The following METTL25 variants were observed in gnomAD, a reference collection of about 807,000 sequenced individuals.
METTL25 encodes probable methyltransferase-like protein 25.
A neutral mutation model predicts 71.6 loss-of-function variants in METTL25; 64 were observed. The ratio of observed to expected loss-of-function variants is 0.89; its 90% CI spans 0.73 to 1.10. The LOEUF (loss-of-function observed/expected upper bound fraction) is 1.10. METTL25 is among the 50% of genes least tolerant of loss of function. The probability of loss-of-function intolerance (pLI) is 0.00; values close to 1 mark genes in which losing one functional copy is unlikely to be tolerated. For missense variants in METTL25, 807 were observed against 707.0 expected, an observed-to-expected ratio of 1.14 and a Z score of -1.60; for synonymous variants, 287 against 250.3, an observed-to-expected ratio of 1.15 and a Z score of -1.38.
At chr12:82,363,789 C>A (rs775727973) in intron 1 of METTL25, among the ~76,000 whole-genome samples, 80 of 148,652 alleles carry the variant, frequency 5.4e-4, no homozygotes, top group Non-Finnish European at 9.9e-4. Context: ...CAAGTAAGCC[C>A]TAATGCTGGA....
chr12:82,458,475 G>A (rs1891643750), intron 9 of METTL25, among the ~76,000 whole-genome samples: 1 of 152,138 alleles, frequency 6.6e-6, no homozygotes, highest in Admixed American at 6.6e-5. Flanking sequence ...ACCTGTGCCA[G>A]AGTAGGAAAA....
At chr12:82,434,237 T>G (rs1378748144) in intron 6 of METTL25, among the ~76,000 whole-genome samples, 1 of 151,436 alleles carries the variant, frequency 6.6e-6, no homozygotes, top group Non-Finnish European at 1.5e-5. Context: ...ATCTGGATTT[T>G]TTTTGTTCAC....
intron 5 of METTL25, among the ~76,000 whole-genome samples, chr12:82,408,136 A>T (rs983520907): frequency 6.6e-6 from 1 of 152,226 alleles, no homozygotes; most frequent in African/African-American, 2.4e-5. Context: ...TCTGATGAAC[A>T]GCATGGTTGA....
intron 1 of METTL25, among the ~76,000 whole-genome samples, chr12:82,364,701 G>T (rs944021204): frequency 6.6e-6 from 1 of 152,174 alleles, no homozygotes; most frequent in East Asian, 1.9e-4. Flanking sequence ...TATAGCATGG[G>T]TTAATAAATT....
intron 1 of METTL25, among the ~76,000 whole-genome samples, chr12:82,377,519 T>C (rs577830514): frequency 4.3e-4 from 66 of 152,208 alleles, no homozygotes; most frequent in Non-Finnish European, 6.5e-4. Flanking sequence ...ATCTGTTTAA[T>C]AATGAAAATA....
intron 7 of METTL25, 88 bp downstream of exon 7, chr12:82,434,812 G>A: frequency 1.9e-6 from 2 of 1,039,176 alleles, no homozygotes; most frequent in South Asian, 1.4e-5. Context: ...AAAACCTAAT[G>A]GAATTTAATA....
At chr12:82,406,319 A>C (rs1887084655) in intron 5 of METTL25, among the ~76,000 whole-genome samples, 1 of 152,224 alleles carries the variant, frequency 6.6e-6, no homozygotes, top group Non-Finnish European at 1.5e-5. Flanking sequence ...AACAAAGGAA[A>C]AGAAAATACA....
At chr12:82,453,136 C>T (rs1382370036) in intron 8 of METTL25, among the ~76,000 whole-genome samples, 4 of 152,132 alleles carry the variant, frequency 2.6e-5, no homozygotes, top group Admixed American at 2.0e-4. Context: ...CAATAAATGA[C>T]TTGGGAAGAA....
intron 8 of METTL25, among the ~76,000 whole-genome samples, chr12:82,453,465 G>A (rs1437816560): frequency 6.6e-6 from 1 of 152,108 alleles, no homozygotes; most frequent in Non-Finnish European, 1.5e-5. Flanking sequence ...TCAGATGTTG[G>A]AAAGTTTACT....
At chr12:82,468,820 A>G (rs546530629) in intron 9 of METTL25, 1 of 152,422 alleles carries the variant, frequency 6.6e-6, no homozygotes, top group East Asian at 1.9e-4. Context: ...TCACCCTGTC[A>G]TTGGAGATTA....
At chr12:82,406,714 A>G (rs1887129354) in intron 5 of METTL25, among the ~76,000 whole-genome samples, 1 of 152,114 alleles carries the variant, frequency 6.6e-6, no homozygotes, top group African/African-American at 2.4e-5. Context: ...ATTAGTTTCA[A>G]AATAATATAG....
At chr12:82,365,914 C>G (rs1476197474) in intron 1 of METTL25, among the ~76,000 whole-genome samples, 6 of 152,084 alleles carry the variant, frequency 3.9e-5, no homozygotes, top group Non-Finnish European at 4.4e-5. Context: ...AACCCCGTCT[C>G]TACTAAAAAT....
chr12:82,478,077 T>C (rs540196898), intron 11 of METTL25, among the ~76,000 whole-genome samples: 2 of 151,858 alleles, frequency 1.3e-5, no homozygotes, highest in Admixed American at 6.6e-5. Flanking sequence ...TAATTTGTAT[T>C]TTTATGGAGA....
intron 5 of METTL25, among the ~76,000 whole-genome samples, chr12:82,420,012 T>C (rs966164552): frequency 5.3e-5 from 8 of 152,158 alleles, no homozygotes; most frequent in African/African-American, 1.9e-4. Flanking sequence ...ACACATACAA[T>C]GGAATATTAC....
intron 9 of METTL25, among the ~76,000 whole-genome samples, chr12:82,466,267 A>G (rs982342826): frequency 4.6e-5 from 7 of 151,408 alleles, no homozygotes; most frequent in Middle Eastern, 3.4e-3. Flanking sequence ...GGTGTCTTCA[A>G]TAGGTTTTGG....
intron 5 of METTL25, among the ~76,000 whole-genome samples, chr12:82,422,466 G>T (rs933691010): frequency 2.8e-4 from 42 of 152,194 alleles, no homozygotes; most frequent in Admixed American, 1.3e-3. Flanking sequence ...ACTGGAAGCA[G>T]TCCCTTTGAA....
chr12:82,460,723 C>T (rs1891808611), intron 9 of METTL25, among the ~76,000 whole-genome samples: 1 of 152,132 alleles, frequency 6.6e-6, no homozygotes, highest in Non-Finnish European at 1.5e-5. Context: ...GGACTAATTG[C>T]AGTGTGGGTT....
chr12:82,476,916 A>G (rs550920104), intron 10 of METTL25, among the ~76,000 whole-genome samples, 198 bp downstream of exon 10: 7 of 151,984 alleles, frequency 4.6e-5, no homozygotes, highest in Non-Finnish European at 1.0e-4. Flanking sequence ...ATTTCTCTTA[A>G]AAAAGTATTA....
chr12:82,426,631 A>G (rs901730180), intron 5 of METTL25, among the ~76,000 whole-genome samples: 1 of 151,984 alleles, frequency 6.6e-6, no homozygotes, highest in Non-Finnish European at 1.5e-5. Context: ...CTTCAGCCTC[A>G]TAATCTTCAT....
Sources: allele counts gnomAD v4.1 joint callset (sites outside exome capture counted in the v4.1 genomes callset), GRCh38; gene constraint gnomAD v4.1.1; transcripts MANE v1.5; gene names NCBI Gene and HGNC (gene_info 2026-07-23, HGNC 2026-07-21).